Variants in DNAJC13 observed in about 807,000 individuals in gnomAD.
DNAJC13 encodes the protein dnaJ homolog subfamily C member 13.
In DNAJC13, 75 loss-of-function variants were observed where a neutral mutation model predicts 290.5. That is an observed-to-expected ratio of 0.26 (90% CI 0.21 to 0.31). The LOEUF is 0.31. Ranked by LOEUF, DNAJC13 falls within the 10% of genes least tolerant of loss-of-function variation. The pLI is 1.00. For missense variants in DNAJC13, 2,260 were observed against 2,674.5 expected, an observed-to-expected ratio of 0.85 and a Z score of 3.42; for synonymous variants, 862 against 892.0, an observed-to-expected ratio of 0.97 and a Z score of 0.60.
chr3:132,520,375 T>A (rs180878275), intron 48 of DNAJC13, among the ~76,000 whole-genome samples: 305 of 152,322 alleles, frequency 2.0e-3, no homozygotes, highest in Non-Finnish European at 3.0e-3. Context: ...AACTGGAGAT[T>A]TATGGTCATG....
chr3:132,505,273 T>A (rs752241136), intron 41 of DNAJC13, 29 bp from the exon 42 acceptor site: 2 of 1,398,744 alleles, frequency 1.4e-6, no homozygotes, highest in Admixed American at 3.7e-5. Context: ...TTTCACTAAA[T>A]GTTATAAAAC....
chr3:132,471,287 G>A (rs574041756), intron 20 of DNAJC13, among the ~76,000 whole-genome samples: 3 of 139,872 alleles, frequency 2.1e-5, no homozygotes, highest in Admixed American at 7.0e-5. Context: ...CTGGCCGGTC[G>A]GGGGGGCTGA....
At position 132,453,619 on chromosome 3, in the gene DNAJC13, A is replaced by T; in HGVS notation, c.765A>T (p.Leu255=). The T allele has an allele frequency of 6.2e-7, 1 of 1,613,442 alleles. No individual in the cohort carries two copies. Among genetic ancestry groups the T allele is most frequent in the East Asian group, 2.2e-5 (1 of 44,820 alleles). ...TGAAGGAGCCTGTTAAAAGAGTTCTAGCACTTACAGAAACATGTTTAGTAG... is the reference window on the plus strand; with the variant it reads ...TGAAGGAGCCTGTTAAAAGAGTTCTTGCACTTACAGAAACATGTTTAGTAG... The part of the protein sequence containing the change: ...PRHSEPVKRV[L]ALTETCLVER... The change falls in exon 8 of 56, where the codon CTA becomes CTT. Residue 255 remains leucine (L), a synonymous_variant. Coordinates refer to ENST00000260818, the MANE Select transcript of DNAJC13 (RefSeq NM_015268.4).
At chr3:132,531,416 G>A (rs1240624035) in intron 55 of DNAJC13, among the ~76,000 whole-genome samples, 1 of 152,198 alleles carries the variant, frequency 6.6e-6, no homozygotes, top group Non-Finnish European at 1.5e-5. Flanking sequence ...AATATCTGCT[G>A]AGGAATATCA....
intron 8 of DNAJC13, 103 bp from the exon 9 acceptor site, chr3:132,453,963 C>A: frequency 3.2e-6 from 3 of 947,642 alleles, no homozygotes; most frequent in South Asian, 1.6e-5. Flanking sequence ...CAAGTCACAT[C>A]TTAAAATACT....
chr3:132,423,457 G>T (rs1308314453), intron 1 of DNAJC13, among the ~76,000 whole-genome samples: 3 of 152,122 alleles, frequency 2.0e-5, no homozygotes, highest in Admixed American at 2.0e-4. Flanking sequence ...GTCATCTAAG[G>T]CTATGGGGTT....
At position 132,496,677 on chromosome 3, in the gene DNAJC13, T is replaced by A. The variant is rs2107713818; in HGVS notation, c.4156+14T>A. 6.3e-7 allele frequency: 1 copy of A among 1,588,172 alleles called. No homozygotes were observed. Among genetic ancestry groups the A allele is most frequent in the Non-Finnish European group, 8.6e-7 (1 of 1,169,520 alleles). ...GTCATAAAGAAGGTAAGATGTCTGT[T>A]CTCAGATTTTAATTTATCCTCCAGC... On this transcript the variant is annotated intron_variant, in intron 36 of 55. Transcript: ENST00000260818.
chr3:132,509,176 C>T (rs1362255260), intron 43 of DNAJC13, among the ~76,000 whole-genome samples: 3 of 152,078 alleles, frequency 2.0e-5, no homozygotes, highest in Non-Finnish European at 4.4e-5. Flanking sequence ...TTTCTAGATG[C>T]GTAAGAGCAT....
chr3:132,499,257 G>C lies in DNAJC13; in HGVS notation c.4288G>C (p.Val1430Leu). 1 of 1,614,036 alleles carries C rather than the reference G, an allele frequency of 6.2e-7. No homozygotes were observed. The highest frequency in any genetic ancestry group is 8.5e-7 in the Non-Finnish European group (1 of 1,179,986). Reference protein sequence around the residue: ...PAATELAFHTVNCSALNAEEL... With the variant: ...PAATELAFHTLNCSALNAEEL... ...GGCTACAGAGCTAGCTTTCCATACTGTCAACTGTTCAGCCCTCAATGCTGA... is the reference window on the plus strand; with the variant it reads ...GGCTACAGAGCTAGCTTTCCATACTCTCAACTGTTCAGCCCTCAATGCTGA... The change falls in exon 37 of 56, where the codon GTC becomes CTC. Residue 1430 changes from valine (V) to leucine (L), a missense_variant. By Grantham distance (32) the Val-to-Leu change is conservative. This residue lies in a region of DNAJC13 where 1,494 missense variants were observed against 1,693.7 expected (regional missense o/e 0.88). Coordinates refer to ENST00000260818, the MANE Select transcript of DNAJC13 (RefSeq NM_015268.4).
intron 1 of DNAJC13, among the ~76,000 whole-genome samples, chr3:132,420,164 A>G (rs1435718487): frequency 6.6e-6 from 1 of 152,240 alleles, no homozygotes; most frequent in East Asian, 1.9e-4. Flanking sequence ...TGAATGCACA[A>G]TCTTGCAAAC....
chr3:132,461,002 A>G (rs1933778987), intron 14 of DNAJC13, 48 bp from the exon 15 acceptor site: 12 of 1,547,094 alleles, frequency 7.8e-6, no homozygotes, highest in African/African-American at 1.4e-5. Context: ...ATTTAACTGA[A>G]GGTCCCCATC....
At chr3:132,440,649 G>A (rs181987599) in intron 2 of DNAJC13, among the ~76,000 whole-genome samples, 42 of 152,328 alleles carry the variant, frequency 2.8e-4, no homozygotes, top group African/African-American at 9.6e-4. Context: ...TAGGAGTGTA[G>A]TAGGCTATAC....
intron 20 of DNAJC13, among the ~76,000 whole-genome samples, chr3:132,470,263 A>G (rs1934153462): frequency 2.1e-5 from 1 of 48,514 alleles, no homozygotes; most frequent in Admixed American, 2.2e-4. Context: ...TTTAACCCTG[A>G]GTGGACACAG....
intron 54 of DNAJC13, among the ~76,000 whole-genome samples, chr3:132,528,748 G>A (rs1936330825): frequency 7.2e-6 from 1 of 138,306 alleles, no homozygotes; most frequent in African/African-American, 2.9e-5. Flanking sequence ...CTTTCTTGCT[G>A]GTGCTTAAAA....
At chr3:132,513,875 A>G (rs538926652) in intron 45 of DNAJC13, among the ~76,000 whole-genome samples, 63 of 152,270 alleles carry the variant, frequency 4.1e-4, no homozygotes, top group African/African-American at 1.2e-3. Flanking sequence ...ACCAAATGCA[A>G]CCCTGCAGTA....
At chr3:132,489,650 A>G (rs1935002880) in intron 31 of DNAJC13, among the ~76,000 whole-genome samples, 1 of 152,144 alleles carries the variant, frequency 6.6e-6, no homozygotes, top group Non-Finnish European at 1.5e-5. Flanking sequence ...AAGCAGAATA[A>G]GAAACCAAAA....
chr3:132,431,516 A>T (rs1403003835), intron 1 of DNAJC13, among the ~76,000 whole-genome samples: 1 of 152,184 alleles, frequency 6.6e-6, no homozygotes, highest in Non-Finnish European at 1.5e-5. Flanking sequence ...CCAGGGGGTG[A>T]GCGTTCTATG....
At chr3:132,457,518 T>C in intron 13 of DNAJC13, 150 bp downstream of exon 13, 1 of 621,230 alleles carries the variant, frequency 1.6e-6, no homozygotes, top group South Asian at 2.1e-5. Context: ...GTTTAGCATA[T>C]CCTAAATACC....
intron 14 of DNAJC13, 67 bp from the exon 15 acceptor site, chr3:132,460,983 A>G: frequency 1.4e-6 from 2 of 1,429,008 alleles, no homozygotes; most frequent in Non-Finnish European, 1.9e-6. Flanking sequence ...GGAACACATT[A>G]TTGTTAAAAT....
Sources: allele counts gnomAD v4.1 joint callset (sites outside exome capture counted in the v4.1 genomes callset), GRCh38; gene constraint gnomAD v4.1.1; regional missense constraint gnomAD v4.1.1; transcripts MANE v1.5; gene names NCBI Gene and HGNC (gene_info 2026-07-23, HGNC 2026-07-21).